SVEP1: variants seen among roughly 807,000 people sequenced by gnomAD.
SVEP1 encodes sushi, von Willebrand factor type A, EGF and pentraxin domain-containing protein 1.
SVEP1 carries 164 observed loss-of-function variants against 367.3 expected under a neutral mutation model. That is an observed-to-expected ratio of 0.45 (90% confidence interval 0.39 to 0.51). The LOEUF (loss-of-function observed/expected upper bound fraction) is 0.51, where lower values mean the gene tolerates loss of function less well. Ranked by LOEUF, SVEP1 falls within the 20% of genes least tolerant of loss-of-function variation. The pLI, the probability that SVEP1 is intolerant of heterozygous loss-of-function variation, is 0.00. For missense variants in SVEP1, 4,117 were observed against 4,425.3 expected, an observed-to-expected ratio of 0.93 and a Z score of 1.98; for synonymous variants, 1,666 against 1,611.6, an observed-to-expected ratio of 1.03 and a Z score of -0.81.
intron 28 of SVEP1, among the ~76,000 whole-genome samples, chr9:110,435,646 A>G (rs376391017): frequency 6.6e-6 from 1 of 152,118 alleles, no homozygotes; most frequent in Admixed American, 6.5e-5. Flanking sequence ...TGGTTTGTTA[A>G]GGGGTTGTAG....
At chr9:110,476,952 C>T (rs561598732) in intron 13 of SVEP1, among the ~76,000 whole-genome samples, 1 of 152,280 alleles carries the variant, frequency 6.6e-6, no homozygotes, top group South Asian at 2.1e-4. Context: ...CTCACTGACC[C>T]TTCTGGTGAC....
At chr9:110,498,909 G>T in intron 7 of SVEP1, 132 bp downstream of exon 7, 1 of 622,478 alleles carries the variant, frequency 1.6e-6, no homozygotes, top group Non-Finnish European at 2.5e-6. Context: ...CCTCATAGAG[G>T]ATATTGGGGT....
chr9:110,543,480 T>C (rs1354363191), intron 3 of SVEP1, among the ~76,000 whole-genome samples: 1 of 148,134 alleles, frequency 6.8e-6, no homozygotes, highest in Non-Finnish European at 1.5e-5. Flanking sequence ...ACATATATTT[T>C]ACAGACTGCT....
Position 110,503,021 on chromosome 9 carries a change from A to G in SVEP1, c.1483+17T>C. ...GGAAATGAATCACTCAAGGCATTAC[A>G]CCTTCTAGAAACTTACCCACACACC... On this transcript the variant is annotated intron_variant, in intron 6 of 47. Coordinates refer to ENST00000374469, the MANE Select transcript of SVEP1 (RefSeq NM_153366.4). 6.2e-7 allele frequency: 1 copy of G among 1,604,748 alleles called. No individual in the cohort carries two copies. The highest frequency in any genetic ancestry group is 1.3e-5 in the African/African-American group (1 of 74,744).
rs1453540399 is a variant in SVEP1, at chr9:110,411,721, C to G, written c.5990G>C (p.Gly1997Ala). The G allele has an allele frequency of 6.3e-7, 1 of 1,579,726 alleles. No individual in the cohort carries two copies. Among genetic ancestry groups the G allele is most frequent in the Non-Finnish European group, 8.6e-7 (1 of 1,162,892 alleles). ...YTCKEGYTLA[G>A]LDTIECLADG... ...GGCCAGGCATTCAATGGTGTCAAGA[C>G]CAGCAAGAGTATAGCTGTGAGGTTG... Residue 1997 changes from glycine (G) to alanine (A), a missense_variant, in exon 37 of 48, where the codon GGT (glycine) becomes GCT (alanine). By Grantham distance (60) the Gly-to-Ala change is moderately conservative. This residue lies in a region of SVEP1 where 2,174 missense variants were observed against 2,494.3 expected (regional missense o/e 0.87). Transcript: ENST00000374469.
intron 17 of SVEP1, among the ~76,000 whole-genome samples, chr9:110,468,597 A>T (rs904682363): frequency 3.9e-5 from 6 of 152,242 alleles, no homozygotes; most frequent in African/African-American, 1.4e-4. Flanking sequence ...GAATATTCTT[A>T]GCCCTGAAGA....
chr9:110,509,848 A>G (rs1829681291), intron 5 of SVEP1, among the ~76,000 whole-genome samples: 1 of 152,232 alleles, frequency 6.6e-6, no homozygotes, highest in African/African-American at 2.4e-5. Context: ...TGTGCTCATA[A>G]TGAATTTGGT....
At chr9:110,543,840 T>G (rs1386845959) in intron 3 of SVEP1, among the ~76,000 whole-genome samples, 1 of 152,062 alleles carries the variant, frequency 6.6e-6, no homozygotes, top group Non-Finnish European at 1.5e-5. Context: ...GGGCTGTTGA[T>G]GAGAGTGTGG....
intron 46 of SVEP1, among the ~76,000 whole-genome samples, chr9:110,372,264 C>G (rs7036046): frequency 1.3e-5 from 2 of 152,108 alleles, no homozygotes; most frequent in Admixed American, 6.5e-5. Flanking sequence ...GTCATAGCCC[C>G]TCTTATAGAT....
chr9:110,441,178 G>A (rs944204116), intron 27 of SVEP1, among the ~76,000 whole-genome samples: 6 of 152,098 alleles, frequency 3.9e-5, no homozygotes, highest in African/African-American at 1.4e-4. Context: ...AAGGATGATA[G>A]ACCACGTTTT....
chr9:110,501,165 T>C (rs946554385), intron 6 of SVEP1, among the ~76,000 whole-genome samples: 2 of 148,030 alleles, frequency 1.4e-5, no homozygotes, highest in Non-Finnish European at 1.5e-5. Context: ...TATATACAAA[T>C]TAATATAAAT....
rs894657634 is a variant in SVEP1, at chr9:110,502,748, A to T, written c.1483+290T>A. Among the ~76,000 whole-genome samples, 5 of 152,248 alleles carry T rather than the reference A, an allele frequency of 3.3e-5. No individual in the cohort carries two copies. The South Asian group carries it at 1.0e-3, about 31-fold the overall frequency. ...TATGAGGCATTTGCATTTTAAAAAA[A>T]AATCCATCCAAATTGGCCTCAATTA... is the stretch of plus-strand genomic sequence containing the variant. On this transcript the variant is annotated intron_variant, in intron 6 of 47. Coordinates refer to ENST00000374469, the MANE Select transcript of SVEP1 (RefSeq NM_153366.4).
chr9:110,389,694 A>G, intron 40 of SVEP1, 107 bp from the exon 41 acceptor site: 3 of 1,167,114 alleles, frequency 2.6e-6, no homozygotes, highest in Admixed American at 4.6e-5. Flanking sequence ...TCAGCACTGG[A>G]ATGCTAAATA....
At chr9:110,544,588 CG>C (rs1373150209) in intron 3 of SVEP1, among the ~76,000 whole-genome samples, 3 of 151,470 alleles carry the variant, frequency 2.0e-5, no homozygotes, top group African/African-American at 7.3e-5. Flanking sequence ...AACCTAGAGA[CG>C]GAAAAATTAC....
At chr9:110,368,534 CTCAA>C (rs1436808235) in intron 47 of SVEP1, among the ~76,000 whole-genome samples, 1 of 152,258 alleles carries the variant, frequency 6.6e-6, no homozygotes, top group South Asian at 2.1e-4. Flanking sequence ...TTATCCTTTC[CTCAA>C]TCAAGAAAGA....
In SVEP1 at chr9:110,385,863, T is replaced by C. The variant is rs756631004; in HGVS notation, c.10237+35A>G. 5.6e-6 allele frequency: 9 copies of C among 1,596,606 alleles called. No individual in the cohort carries two copies. In the South Asian group the frequency reaches 9.1e-5, roughly 16 times the overall value. On this transcript the variant is annotated intron_variant, in intron 43 of 47. Transcript: ENST00000374469. ...ACAGGGATGGGAAAACATTTCGCAC[T>C]AGCGGCATGAACTGGCTTCCGCCTG...
In SVEP1 at chr9:110,489,713, C is replaced by G; in HGVS notation, c.1867G>C (p.Val623Leu). The change falls in exon 9 of 48, where the codon GTA becomes CTA. Residue 623 changes from valine to leucine, a missense_variant. Val to Leu is a conservative substitution (Grantham distance 32). Around this residue, in one of 4 missense-constraint regions of SVEP1, gnomAD observed 2,174 missense variants for 2,494.3 expected, o/e 0.87. Coordinates refer to ENST00000374469, the MANE Select transcript of SVEP1 (RefSeq NM_153366.4). The part of the protein sequence containing the change: ...YLFPIGDVAI[V>L]YTATDLSGNQ... ...CCGGATAGGTCAGTTGCCGTGTATACGATAGCAACATCTCCAATTGGGAAA... is the reference window on the plus strand; with the variant it reads ...CCGGATAGGTCAGTTGCCGTGTATAGGATAGCAACATCTCCAATTGGGAAA... 2 of 1,613,438 alleles carry G rather than the reference C, an allele frequency of 1.2e-6. No individual in the cohort carries two copies. Among genetic ancestry groups the G allele is most frequent in the Non-Finnish European group, 1.7e-6 (2 of 1,179,570 alleles).
In SVEP1 at chr9:110,387,377, T is replaced by A. The variant is rs1316590148; in HGVS notation, c.9968A>T (p.Tyr3323Phe). Residue 3323 changes from tyrosine to phenylalanine, a missense_variant, in exon 42 of 48, where the codon TAT becomes TTT. Transcript: ENST00000374469. ...ENRTTGPNVV[Y>F]SCNRGYSLEG... ...AAGACTGTAGCCTCTGTTGCAGGAA[T>A]ATACCACGTTGGGTCCAGTCGTCCT... The A allele has an allele frequency of 1.4e-5, 22 of 1,613,610 alleles. No homozygotes were observed. The highest frequency in any genetic ancestry group is 2.7e-5 in the African/African-American group (2 of 74,914).
At chr9:110,390,165 A>G (rs1387122838) in intron 40 of SVEP1, among the ~76,000 whole-genome samples, 2 of 95,292 alleles carry the variant, frequency 2.1e-5, no homozygotes, top group East Asian at 6.5e-4. Flanking sequence ...ATACATACTT[A>G]TATAAGTATG....
Sources: gnomAD v4.1 joint callset for allele counts (sites outside exome capture counted in the v4.1 genomes callset) on GRCh38, gnomAD v4.1.1 for gene constraint, gnomAD v4.1.1 regional missense constraint, MANE v1.5 for transcripts, NCBI Gene and HGNC (gene_info 2026-07-23, HGNC 2026-07-21) for gene names.